Variants in DAB1 observed in about 807,000 individuals in gnomAD.
DAB1 encodes the protein disabled homolog 1.
In DAB1, 15 loss-of-function variants were observed where a neutral mutation model predicts 64.6. That is an observed-to-expected ratio of 0.23 (90% CI 0.16 to 0.36). The LOEUF (loss-of-function observed/expected upper bound fraction) is 0.36. Among genes scored for constraint, DAB1 ranks in the 10% least tolerant of loss-of-function variants. The pLI is 1.00. For synonymous variants in DAB1, 235 were observed against 251.9 expected (o/e 0.93, Z 0.64); for missense variants, 596 against 706.7 (o/e 0.84, Z 1.78).
intron 7 of DAB1, among the ~76,000 whole-genome samples, chr1:57,625,081 G>A (rs1645906467): frequency 6.6e-6 from 1 of 152,128 alleles, no homozygotes. Context: ...TGGGAAGGAA[G>A]GCATTTTCAC....
At chr1:57,882,917 T>G (rs1231672752) in intron 1 of DAB1, among the ~76,000 whole-genome samples, 2 of 152,204 alleles carry the variant, frequency 1.3e-5, no homozygotes, top group Non-Finnish European at 2.9e-5. Context: ...ACCCAGTTTT[T>G]TTGTCCATGG....
chr1:57,228,736 C>T (rs1457227059), intron 2 of DAB1, among the ~76,000 whole-genome samples: 1 of 152,092 alleles, frequency 6.6e-6, no homozygotes, highest in Admixed American at 6.5e-5. Flanking sequence ...ACTAGATATT[C>T]ACCTTGTAAT....
intron 4 of DAB1, among the ~76,000 whole-genome samples, chr1:58,309,193 T>C (rs1662374401): frequency 6.6e-6 from 1 of 152,196 alleles, no homozygotes; most frequent in Non-Finnish European, 1.5e-5. Context: ...GCAGCAGATA[T>C]AAATGTTCCA....
At chr1:57,101,068 G>A (rs1488962284) in intron 4 of DAB1, among the ~76,000 whole-genome samples, 2 of 152,054 alleles carry the variant, frequency 1.3e-5, no homozygotes, top group African/African-American at 4.8e-5. Context: ...CAGATGGTCT[G>A]ACCCCACAGC....
chr1:58,025,791 T>A (rs936441367), intron 5 of DAB1, among the ~76,000 whole-genome samples: 16 of 151,042 alleles, frequency 1.1e-4, no homozygotes, highest in African/African-American at 3.4e-4. Context: ...AAAATCCAAT[T>A]TCCTTAAGAT....
chr1:57,359,026 T>C (rs956626072), intron 1 of DAB1, among the ~76,000 whole-genome samples: 1 of 152,006 alleles, frequency 6.6e-6, no homozygotes, highest in Non-Finnish European at 1.5e-5. Flanking sequence ...AAAAGCTCCA[T>C]GACACTGGAT....
At chr1:57,960,948 C>T (rs531671118) in intron 5 of DAB1, among the ~76,000 whole-genome samples, 1 of 152,292 alleles carries the variant, frequency 6.6e-6, no homozygotes, top group African/African-American at 2.4e-5. Flanking sequence ...ATGGAGCAGG[C>T]CTGGAGGAGC....
chr1:57,884,607 A>C (rs555029558), upstream of DAB1, among the ~76,000 whole-genome samples: 1 of 152,370 alleles, frequency 6.6e-6, no homozygotes, highest in Admixed American at 6.5e-5. Flanking sequence ...TTGTCAAATA[A>C]CCATTCACAA....
chr1:57,526,201 G>A (rs1193724558), intron 7 of DAB1, among the ~76,000 whole-genome samples: 1 of 152,168 alleles, frequency 6.6e-6, no homozygotes, highest in South Asian at 2.1e-4. Context: ...CTCCCACAGT[G>A]CTGGCATTAC....
intron 6 of DAB1, among the ~76,000 whole-genome samples, chr1:57,809,966 T>C (rs781621866): frequency 1.3e-5 from 2 of 152,124 alleles, no homozygotes; most frequent in African/African-American, 2.4e-5. Context: ...ATTAGGGCTT[T>C]CCAAATTTCC....
intron 5 of DAB1, among the ~76,000 whole-genome samples, chr1:57,926,707 T>C (rs899399229): frequency 2.6e-5 from 4 of 152,230 alleles, no homozygotes; most frequent in Non-Finnish European, 5.9e-5. Context: ...GATATGACTA[T>C]TACAGATGGC....
chr1:57,103,767 A>G (rs979552544), intron 4 of DAB1, among the ~76,000 whole-genome samples: 1 of 152,186 alleles, frequency 6.6e-6, no homozygotes, highest in African/African-American at 2.4e-5. Context: ...TGTATATTTT[A>G]AAAGGATTGC....
intron 3 of DAB1, among the ~76,000 whole-genome samples, chr1:58,497,205 C>T (rs1258377727): frequency 1.3e-5 from 2 of 152,066 alleles, no homozygotes; most frequent in Non-Finnish European, 1.5e-5. Flanking sequence ...CTCACCAATT[C>T]AATGACAAGT....
At chr1:57,133,834 C>T (rs1465945447) in intron 4 of DAB1, among the ~76,000 whole-genome samples, 1 of 152,054 alleles carries the variant, frequency 6.6e-6, no homozygotes, top group African/African-American at 2.4e-5. Flanking sequence ...CCCAGTTTTC[C>T]ACTTCTTTGA....
chr1:58,415,171 A>G (rs1189800448), intron 3 of DAB1, among the ~76,000 whole-genome samples: 1 of 152,140 alleles, frequency 6.6e-6, no homozygotes, highest in Non-Finnish European at 1.5e-5. Context: ...CTCTGAATGC[A>G]TGCACCATGT....
At chr1:58,011,973 G>C (rs888994771) in intron 5 of DAB1, among the ~76,000 whole-genome samples, 106 of 152,318 alleles carry the variant, frequency 7.0e-4, no homozygotes, top group African/African-American at 2.4e-3. Context: ...TTACAGGCGT[G>C]AGCCACCATG....
intron 3 of DAB1, among the ~76,000 whole-genome samples, chr1:58,373,169 C>CTTTT (rs201654648): frequency 1.6e-4 from 22 of 138,750 alleles, no homozygotes; most frequent in Admixed American, 2.9e-4. Context: ...TTACTATTTT[C>CTTTT]TTTTTTTTTT....
chr1:57,121,157 G>GAGGAGGAGAAGGAGGAGA (rs55992957), intron 4 of DAB1, among the ~76,000 whole-genome samples: 9 of 140,894 alleles, frequency 6.4e-5, no homozygotes, highest in South Asian at 2.4e-4. Context: ...GGAGGAGGAG[G>GAGGAGGAGAAGGAGGAGA]AGGAGGAGAA....
intron 3 of DAB1, among the ~76,000 whole-genome samples, chr1:58,433,590 A>AGTGT (rs1443326796): frequency 1.0e-3 from 112 of 108,598 alleles, no homozygotes; most frequent in African/African-American, 4.8e-3. Context: ...AGAGAGAGAG[A>AGTGT]GAGAGAGTGT....
Sources: allele counts gnomAD v4.1 joint callset (sites outside exome capture counted in the v4.1 genomes callset), GRCh38; gene constraint gnomAD v4.1.1; transcripts MANE v1.5; gene names NCBI Gene and HGNC (gene_info 2026-07-23, HGNC 2026-07-21).